The following GPR39 variants were observed in gnomAD, a reference collection of about 807,000 sequenced individuals.
The protein encoded by GPR39 is G protein-coupled receptor 39.
GPR39 carries 23 observed loss-of-function variants against 18.4 expected under a neutral mutation model. The observed-to-expected ratio is 1.25, with a 90% confidence interval of 0.90 to 1.77. The LOEUF is 1.77. GPR39 is among the 40% of genes most tolerant of loss of function. The pLI is 0.00. For missense variants in GPR39, 647 were observed against 602.4 expected, an observed-to-expected ratio of 1.07 and a Z score of -0.78; for synonymous variants, 280 against 257.9, an observed-to-expected ratio of 1.09 and a Z score of -0.82.
chr2:132,531,334 G>A (rs1384093154), intron 1 of GPR39, among the ~76,000 whole-genome samples: 2 of 152,182 alleles, frequency 1.3e-5, no homozygotes, highest in Non-Finnish European at 2.9e-5. Flanking sequence ...CCCGATACAG[G>A]AGCATCCAGA....
chr2:132,431,816 C>T (rs1478147553), intron 1 of GPR39, among the ~76,000 whole-genome samples: 2 of 152,152 alleles, frequency 1.3e-5, no homozygotes, highest in African/African-American at 4.8e-5. Context: ...TATTAGTTTC[C>T]TGTGGCTGCT....
intron 1 of GPR39, among the ~76,000 whole-genome samples, chr2:132,522,715 T>C (rs1193748365): frequency 6.6e-6 from 1 of 152,160 alleles, no homozygotes; most frequent in East Asian, 1.9e-4. Flanking sequence ...ACAGCCTTCT[T>C]GTCTGAGTAG....
intron 1 of GPR39, among the ~76,000 whole-genome samples, chr2:132,557,592 T>TGAGA (rs57544662): frequency 4.0e-5 from 6 of 148,270 alleles, no homozygotes; most frequent in South Asian, 4.4e-4. Context: ...AAAGAAAGGA[T>TGAGA]GAGAGAGAGA....
chr2:132,500,181 T>C (rs762695189), intron 1 of GPR39, among the ~76,000 whole-genome samples: 18 of 152,298 alleles, frequency 1.2e-4, no homozygotes, highest in Admixed American at 2.6e-4. Context: ...GGGAATGTTT[T>C]CAACTCTTCC....
At chr2:132,544,959 T>C (rs1292233633) in intron 1 of GPR39, among the ~76,000 whole-genome samples, 1 of 152,146 alleles carries the variant, frequency 6.6e-6, no homozygotes, top group East Asian at 1.9e-4. Context: ...AATTAGGGAA[T>C]GGTAGATATA....
chr2:132,549,759 A>G (rs6741093), intron 1 of GPR39, among the ~76,000 whole-genome samples: 72,121 of 151,748 alleles, frequency 0.48, 17,726 homozygotes, highest in East Asian at 0.86. Flanking sequence ...CTGCATTCTA[A>G]TCCGGTGACA....
chr2:132,451,755 A>G (rs896576021), intron 1 of GPR39, among the ~76,000 whole-genome samples: 4 of 152,200 alleles, frequency 2.6e-5, no homozygotes, highest in African/African-American at 7.2e-5. Context: ...GCTATAGAAG[A>G]TAATACAGTA....
At position 132,535,065 on chromosome 2, in the gene GPR39, A is replaced by C. The variant is rs375629245; in HGVS notation, c.857-110036A>C. Among the ~76,000 whole-genome samples, 32 of 151,944 alleles carry C rather than the reference A, an allele frequency of 2.1e-4. No homozygotes were observed. In the Middle Eastern group the frequency reaches 0.02, roughly 97 times the overall value. On this transcript the variant is annotated intron_variant, in intron 1 of 1. Transcript: ENST00000329321. ...CTCTCTTCCTATTTGAATATCCTTT[A>C]TTTCTTTCTCTTGCCTGATTGCCCT...
At chr2:132,502,950 C>G (rs932501374) in intron 1 of GPR39, among the ~76,000 whole-genome samples, 8 of 152,088 alleles carry the variant, frequency 5.3e-5, no homozygotes, top group African/African-American at 1.4e-4. Context: ...CTCTGTTTCA[C>G]TGAAGAATTT....
intron 1 of GPR39, among the ~76,000 whole-genome samples, chr2:132,543,044 A>G (rs910726857): frequency 4.6e-5 from 7 of 152,138 alleles, no homozygotes; most frequent in African/African-American, 1.7e-4. Context: ...TGTGCATGAG[A>G]TAATGATGCA....
intron 1 of GPR39, among the ~76,000 whole-genome samples, chr2:132,519,870 GTCC>G (rs1452355365): frequency 6.6e-6 from 1 of 152,100 alleles, no homozygotes; most frequent in African/African-American, 2.4e-5. Context: ...TTCCAGCCCT[GTCC>G]TCCTCAAGTT....
At chr2:132,516,447 A>G (rs1440067488) in intron 1 of GPR39, among the ~76,000 whole-genome samples, 1 of 152,162 alleles carries the variant, frequency 6.6e-6, no homozygotes, top group Non-Finnish European at 1.5e-5. Flanking sequence ...AGGACAGGGA[A>G]GTGCCAAAAA....
intron 1 of GPR39, among the ~76,000 whole-genome samples, chr2:132,547,048 C>T (rs1043406374): frequency 2.0e-5 from 3 of 151,806 alleles, no homozygotes; most frequent in South Asian, 2.1e-4. Flanking sequence ...TCCTATTTTC[C>T]GTTGCCTCCA....
intron 1 of GPR39, among the ~76,000 whole-genome samples, chr2:132,522,919 A>G (rs917961244): frequency 4.6e-5 from 7 of 152,226 alleles, no homozygotes; most frequent in African/African-American, 1.7e-4. Context: ...ACTGCCTGGA[A>G]GCTGCCACAA....
chr2:132,447,788 C>T (rs1188523171), intron 1 of GPR39, among the ~76,000 whole-genome samples: 3 of 152,168 alleles, frequency 2.0e-5, no homozygotes, highest in Non-Finnish European at 4.4e-5. Context: ...AAGTGTATGG[C>T]TTGGCTTTTT....
At chr2:132,623,305 A>T (rs1681478962) in intron 1 of GPR39, among the ~76,000 whole-genome samples, 1 of 152,114 alleles carries the variant, frequency 6.6e-6, no homozygotes, top group Non-Finnish European at 1.5e-5. Flanking sequence ...CTAAAGCCAC[A>T]CAGCTGGGAA....
chr2:132,490,265 A>T (rs2104794839), intron 1 of GPR39, among the ~76,000 whole-genome samples: 1 of 152,082 alleles, frequency 6.6e-6, no homozygotes, highest in South Asian at 2.1e-4. Flanking sequence ...AGATAGCGAG[A>T]GATGAAAAGA....
intron 1 of GPR39, among the ~76,000 whole-genome samples, chr2:132,425,686 A>G (rs534138005): frequency 1.3e-5 from 2 of 152,330 alleles, no homozygotes; most frequent in East Asian, 3.9e-4. Context: ...ACCAAGTCAC[A>G]TGAGCCTTTA....
chr2:132,424,413 T>C (rs1041256179), intron 1 of GPR39, among the ~76,000 whole-genome samples: 33 of 152,166 alleles, frequency 2.2e-4, no homozygotes, highest in Admixed American at 1.6e-3. Context: ...GCCACACTTA[T>C]CACCCCAGGG....
Sources: gnomAD v4.1 joint callset for allele counts (sites outside exome capture counted in the v4.1 genomes callset) on GRCh38, gnomAD v4.1.1 for gene constraint, MANE v1.5 for transcripts, NCBI Gene and HGNC (gene_info 2026-07-23, HGNC 2026-07-21) for gene names.